Variants in KDM2A observed in about 807,000 individuals in gnomAD.
The protein encoded by KDM2A is lysine demethylase 2A, also known as lysine-specific demethylase 2A.
KDM2A carries 3 observed loss-of-function variants against 137.3 expected under a neutral mutation model. The ratio of observed to expected loss-of-function variants is 0.02; its 90% CI spans 0.01 to 0.06. The LOEUF is 0.06. KDM2A is among the 10% of genes least tolerant of loss of function. KDM2A has a pLI of 1.00. For missense variants in KDM2A, 738 were observed against 1,510.6 expected (o/e 0.49, Z 8.48); for synonymous variants, 512 against 541.5 (o/e 0.95, Z 0.76).
chr11:67,194,233 C>G (rs997840195), intron 5 of KDM2A, among the ~76,000 whole-genome samples: 1 of 152,080 alleles, frequency 6.6e-6, no homozygotes, highest in Non-Finnish European at 1.5e-5. Flanking sequence ...AATAAAAATC[C>G]TGGTCTTGTG....
intron 11 of KDM2A, among the ~76,000 whole-genome samples, chr11:67,230,157 C>T (rs1402289173): frequency 6.8e-6 from 1 of 147,154 alleles, no homozygotes; most frequent in Non-Finnish European, 1.5e-5. Context: ...GCCTGGGTGA[C>T]AGAGCGAGAC....
Position 67,245,624 on chromosome 11 carries a change from T to C in KDM2A, c.1833+166T>C. 1 of 719,808 alleles carries C rather than the reference T, an allele frequency of 1.4e-6. No individual in the cohort carries two copies. Among genetic ancestry groups the C allele is most frequent in the South Asian group, 2.0e-5 (1 of 50,368 alleles). The allele number at this position is 719,808 out of a possible 1,614,324, so 44.6% of individuals were successfully genotyped here. A position where few individuals can be genotyped will look rare whatever the true frequency, so the allele number is the denominator to read the frequency against. On this transcript the variant is annotated intron_variant, in intron 14 of 20. Transcript: ENST00000529006. The surrounding 1 kb of genome is among the most constrained non-coding windows in gnomAD (Gnocchi z 4.1). ...TTTTTCCCCAGGTTTAGATAGAAGGTATCTAGTACTAAAAATCCGATTTAA... is the reference window on the plus strand; with the variant it reads ...TTTTTCCCCAGGTTTAGATAGAAGGCATCTAGTACTAAAAATCCGATTTAA...
chr11:67,173,113 T>TTTTG lies in KDM2A; in HGVS notation c.43-6946_43-6943dup, dbSNP rs987443543. ...CTTAGGAGATCCTCCCACCTCAGTT[T>TTTTG]TTTGTTTGTTTGTTTGTTTGTTTTT... On this transcript the variant is annotated intron_variant, in intron 2 of 20. Transcript: ENST00000529006. Among the ~76,000 whole-genome samples the TTTTG allele has an allele frequency of 1.3e-4, 20 of 151,872 alleles. No homozygotes were observed. The East Asian group carries it at 2.5e-3, about 19-fold the overall frequency.
intron 6 of KDM2A, among the ~76,000 whole-genome samples, chr11:67,214,402 C>A (rs1858095250): frequency 6.6e-6 from 1 of 152,104 alleles, no homozygotes; most frequent in South Asian, 2.1e-4. Context: ...GATGGGGTTT[C>A]ACCATGTTAG....
intron 10 of KDM2A, among the ~76,000 whole-genome samples, chr11:67,220,577 C>A (rs12790261): frequency 0.046 from 7,058 of 152,154 alleles, 220 homozygotes; most frequent in Non-Finnish European, 0.074. Context: ...ATCTTATTTT[C>A]TCATTTTTCT....
chr11:67,166,440 C>T (rs1188863464), intron 2 of KDM2A, among the ~76,000 whole-genome samples: 2 of 152,000 alleles, frequency 1.3e-5, no homozygotes, highest in Non-Finnish European at 2.9e-5. Flanking sequence ...CCCGCCTTGG[C>T]CTCCTAAAGT....
intron 8 of KDM2A, among the ~76,000 whole-genome samples, chr11:67,216,537 CTT>C (rs1467513806): frequency 1.3e-5 from 2 of 152,216 alleles, no homozygotes; most frequent in Non-Finnish European, 2.9e-5. Context: ...GTATTATACT[CTT>C]GTTACTCTTT....
chr11:67,154,925 G>A (rs1347161184), intron 2 of KDM2A, among the ~76,000 whole-genome samples: 1 of 152,218 alleles, frequency 6.6e-6, no homozygotes, highest in Non-Finnish European at 1.5e-5. Flanking sequence ...GCCACTGATG[G>A]ACATTTGGGT....
intron 11 of KDM2A, 50 bp downstream of exon 11, chr11:67,228,213 G>T (rs1858604270): frequency 1.3e-6 from 2 of 1,588,086 alleles, no homozygotes; most frequent in African/African-American, 1.3e-5. Flanking sequence ...AGGTCTGAGG[G>T]TGAGGCCCGA....
chr11:67,155,425 C>T (rs924354932), intron 2 of KDM2A, among the ~76,000 whole-genome samples: 2 of 152,058 alleles, frequency 1.3e-5, no homozygotes, highest in African/African-American at 2.4e-5. Context: ...TATCCTGTCT[C>T]AGCCTCCTGC....
At chr11:67,152,905 AGTGTGTGT>A (rs146532672) in intron 2 of KDM2A, among the ~76,000 whole-genome samples, 6,011 of 142,616 alleles carry the variant, frequency 0.042, 172 homozygotes, top group East Asian at 0.09. Flanking sequence ...ACAGTGCCAG[AGTGTGTGT>A]GTGTGTGTGT....
intron 2 of KDM2A, among the ~76,000 whole-genome samples, chr11:67,122,580 C>T (rs1466864800): frequency 2.0e-5 from 3 of 152,078 alleles, no homozygotes; most frequent in African/African-American, 7.2e-5. Context: ...ACCTTGGCCT[C>T]CCAAAGTGCT....
At chr11:67,158,253 T>G (rs1856564723) in intron 2 of KDM2A, among the ~76,000 whole-genome samples, 1 of 152,232 alleles carries the variant, frequency 6.6e-6, no homozygotes, top group Admixed American at 6.6e-5. Context: ...TCTTTGTGGC[T>G]ACATATCTCA....
intron 2 of KDM2A, among the ~76,000 whole-genome samples, chr11:67,136,449 T>G (rs1309247763): frequency 6.6e-6 from 1 of 152,206 alleles, no homozygotes; most frequent in African/African-American, 2.4e-5. Context: ...TTCAGGAGAT[T>G]CATTCACTTA....
At chr11:67,137,636 A>G (rs1314620711) in intron 2 of KDM2A, among the ~76,000 whole-genome samples, 1 of 152,192 alleles carries the variant, frequency 6.6e-6, no homozygotes, top group Non-Finnish European at 1.5e-5. Flanking sequence ...AATAGGGTAC[A>G]CTGAAGGAAG....
intron 2 of KDM2A, among the ~76,000 whole-genome samples, chr11:67,174,079 G>A (rs563141961): frequency 6.6e-5 from 10 of 152,272 alleles, no homozygotes; most frequent in African/African-American, 1.2e-4. Flanking sequence ...TCAGCATGTC[G>A]AAACCTTGTC....
intron 10 of KDM2A, among the ~76,000 whole-genome samples, chr11:67,224,146 T>G (rs6591239): frequency 0.72 from 109,294 of 152,126 alleles, 45,011 homozygotes; most frequent in South Asian, 0.93. Context: ...GAAAAGGGAC[T>G]CCTATCCAGT....
At chr11:67,190,727 C>T (rs991732192) in intron 5 of KDM2A, among the ~76,000 whole-genome samples, 1 of 152,002 alleles carries the variant, frequency 6.6e-6, no homozygotes, top group Non-Finnish European at 1.5e-5. Context: ...TGCCATTGTA[C>T]TCCAGCCTAG....
chr11:67,185,720 T>C (rs1256013849), intron 5 of KDM2A, among the ~76,000 whole-genome samples: 1 of 152,010 alleles, frequency 6.6e-6, no homozygotes, highest in Non-Finnish European at 1.5e-5. Context: ...GTGGGATCTT[T>C]AAGAGATAAT....
Sources: allele counts gnomAD v4.1 joint callset (sites outside exome capture counted in the v4.1 genomes callset), GRCh38; gene constraint gnomAD v4.1.1; non-coding constraint Gnocchi (gnomAD v3.1); transcripts MANE v1.5; gene names NCBI Gene and HGNC (gene_info 2026-07-23, HGNC 2026-07-21).